The following PTPRD variants were observed in gnomAD, a reference collection of about 807,000 sequenced individuals.
PTPRD encodes receptor-type tyrosine-protein phosphatase delta.
In PTPRD, 34 loss-of-function variants were observed where a neutral mutation model predicts 214.5. The ratio of observed to expected loss-of-function variants is 0.16; its 90% CI spans 0.12 to 0.21. PTPRD has a LOEUF of 0.21. PTPRD is among the 10% of genes least tolerant of loss of function. The probability of loss-of-function intolerance (pLI) is 1.00; values close to 1 mark genes in which losing one functional copy is unlikely to be tolerated. For synonymous variants in PTPRD, 1,128 were observed against 845.7 expected, an observed-to-expected ratio of 1.33 and a Z score of -5.79; for missense variants, 2,545 against 2,398.7, an observed-to-expected ratio of 1.06 and a Z score of -1.27.
intron 5 of PTPRD, among the ~76,000 whole-genome samples, chr9:9,848,695 G>T (rs1326617974): frequency 6.6e-6 from 1 of 151,896 alleles, no homozygotes; most frequent in Non-Finnish European, 1.5e-5. Context: ...ACACAAAATA[G>T]ATAAATATCA....
At chr9:9,241,741 T>C (rs2099970459) in intron 9 of PTPRD, among the ~76,000 whole-genome samples, 1 of 151,678 alleles carries the variant, frequency 6.6e-6, no homozygotes, top group South Asian at 2.1e-4. Context: ...TGTGTGTCTC[T>C]CCATACGAGA....
chr9:8,519,809 G>T (rs755763546), intron 20 of PTPRD, among the ~76,000 whole-genome samples: 1 of 152,160 alleles, frequency 6.6e-6, no homozygotes, highest in Non-Finnish European at 1.5e-5. Context: ...AGACAGGGAA[G>T]TGGCAAGAGT....
chr9:9,036,986 T>C (rs763903463), intron 10 of PTPRD, among the ~76,000 whole-genome samples: 2 of 152,186 alleles, frequency 1.3e-5, no homozygotes, highest in Non-Finnish European at 2.9e-5. Flanking sequence ...TGAACACAAA[T>C]GCACAAAAAC....
intron 8 of PTPRD, among the ~76,000 whole-genome samples, chr9:9,410,833 C>T (rs2075153514): frequency 6.6e-6 from 1 of 152,096 alleles, no homozygotes; most frequent in Non-Finnish European, 1.5e-5. Context: ...TTCCTGCATA[C>T]ACATGTAAAC....
intron 3 of PTPRD, among the ~76,000 whole-genome samples, chr9:10,107,576 C>T (rs527559697): frequency 5.3e-5 from 8 of 152,152 alleles, no homozygotes; most frequent in African/African-American, 1.7e-4. Context: ...GCTAAGTACA[C>T]GTGTTTGTTA....
intron 3 of PTPRD, among the ~76,000 whole-genome samples, chr9:10,052,551 T>G (rs1307388429): frequency 6.6e-6 from 1 of 152,182 alleles, no homozygotes; most frequent in Non-Finnish European, 1.5e-5. Flanking sequence ...ATTGTAAAAC[T>G]GGGTATTTTT....
intron 7 of PTPRD, among the ~76,000 whole-genome samples, chr9:9,684,828 AATT>A (rs2097139946): frequency 6.6e-6 from 1 of 151,564 alleles, no homozygotes; most frequent in Non-Finnish European, 1.5e-5. Context: ...ACAGTCAAGG[AATT>A]TAAAGTCACA....
intron 3 of PTPRD, among the ~76,000 whole-genome samples, chr9:10,041,546 G>A (rs2097297141): frequency 6.6e-6 from 1 of 151,504 alleles, no homozygotes; most frequent in African/African-American, 2.4e-5. Flanking sequence ...TAAAATCAAG[G>A]AGTGGAGAAG....
chr9:8,942,975 A>G (rs937262662), intron 11 of PTPRD, among the ~76,000 whole-genome samples: 2 of 152,166 alleles, frequency 1.3e-5, no homozygotes, highest in Non-Finnish European at 2.9e-5. Flanking sequence ...TGCAAAAATT[A>G]GTAGCACTTC....
At position 9,047,431 on chromosome 9, in the gene PTPRD, A is replaced by G. The variant is rs1048831344; in HGVS notation, c.-142-28696T>C. ...AAAATTTCTTTGGAACCACAAAGGAACCAGAATAGTCAAAGCTATCCTAAG... is the reference window on the plus strand; with the variant it reads ...AAAATTTCTTTGGAACCACAAAGGAGCCAGAATAGTCAAAGCTATCCTAAG... On this transcript the variant is annotated intron_variant, in intron 10 of 45. Transcript: ENST00000381196. Among the ~76,000 whole-genome samples the G allele has an allele frequency of 1.7e-4, 26 of 152,184 alleles. 1 individual carries two copies. The highest frequency in any genetic ancestry group is 4.1e-4 in the African/African-American group (17 of 41,562).
At chr9:9,226,600 G>C (rs1013956052) in intron 9 of PTPRD, among the ~76,000 whole-genome samples, 1 of 151,932 alleles carries the variant, frequency 6.6e-6, no homozygotes, top group African/African-American at 2.4e-5. Flanking sequence ...ATTGTTTCAA[G>C]GTTTTGTCTT....
intron 14 of PTPRD, among the ~76,000 whole-genome samples, chr9:8,621,820 T>C (rs900665435): frequency 1.3e-5 from 2 of 151,884 alleles, no homozygotes; most frequent in African/African-American, 4.8e-5. Context: ...TGAGTGTAAA[T>C]AAAAGGCTCT....
intron 5 of PTPRD, among the ~76,000 whole-genome samples, chr9:9,853,568 T>C (rs1376343171): frequency 1.3e-5 from 2 of 152,102 alleles, no homozygotes; most frequent in Non-Finnish European, 2.9e-5. Context: ...GGTTTTTTTT[T>C]AGATGGAGTG....
chr9:8,337,390 A>AGTT (rs1847982882), intron 43 of PTPRD, among the ~76,000 whole-genome samples: 1 of 151,954 alleles, frequency 6.6e-6, no homozygotes, highest in Admixed American at 6.6e-5. Context: ...CAAAAGTGGG[A>AGTT]GTTGAACAAT....
chr9:9,650,779 G>C (rs1207801327), intron 7 of PTPRD, among the ~76,000 whole-genome samples: 1 of 150,670 alleles, frequency 6.6e-6, no homozygotes, highest in Non-Finnish European at 1.5e-5. Flanking sequence ...GAACTTGAAA[G>C]TGAAAAAAAA....
At position 10,148,027 on chromosome 9, in the gene PTPRD, G is replaced by T. The variant is rs146572977; in HGVS notation, c.-544-114237C>A. 6.0e-3 allele frequency among the ~76,000 whole-genome samples: 911 copies of T among 152,294 alleles called. 9 individuals carry two copies. The highest frequency in any genetic ancestry group is 0.02 in the African/African-American group (817 of 41,572). ...TTTGTTTCTTTGGAGATATCCAAAA[G>T]TCAAGAGAAATACGACTTTCTAAAT... On this transcript the variant is annotated intron_variant, in intron 3 of 45. Coordinates refer to ENST00000381196, the MANE Select transcript of PTPRD (RefSeq NM_002839.4).
chr9:9,236,374 T>A (rs1172445793), intron 9 of PTPRD, among the ~76,000 whole-genome samples: 1 of 152,048 alleles, frequency 6.6e-6, no homozygotes, highest in East Asian at 1.9e-4. Flanking sequence ...CAAAGGAGTA[T>A]AAAAGCTAGC....
chr9:10,152,832 C>T (rs1024635581), intron 3 of PTPRD, among the ~76,000 whole-genome samples: 3 of 152,044 alleles, frequency 2.0e-5, no homozygotes, highest in African/African-American at 4.8e-5. Flanking sequence ...CCCTACCCTC[C>T]CCCAAAAAGA....
intron 3 of PTPRD, among the ~76,000 whole-genome samples, chr9:10,053,825 C>T (rs12552610): frequency 0.032 from 4,839 of 152,198 alleles, 141 homozygotes; most frequent in Admixed American, 0.093. Flanking sequence ...GTGGTATGAT[C>T]TTGGCTCACT....
Sources: gnomAD v4.1 joint callset for allele counts (sites outside exome capture counted in the v4.1 genomes callset) on GRCh38, gnomAD v4.1.1 for gene constraint, MANE v1.5 for transcripts, NCBI Gene and HGNC (gene_info 2026-07-23, HGNC 2026-07-21) for gene names.